NLGN1: variants seen among roughly 807,000 people sequenced by gnomAD.
NLGN1 encodes neuroligin-1.
Under a neutral mutation model 65.5 loss-of-function variants are expected in NLGN1, and 12 were observed. The observed-to-expected ratio is 0.18, with a 90% CI of 0.12 to 0.30. The LOEUF (loss-of-function observed/expected upper bound fraction) is 0.30, where lower values mean the gene tolerates loss of function less well. NLGN1 is among the 10% of genes least tolerant of loss of function. The probability of loss-of-function intolerance (pLI) is 1.00; values close to 1 mark genes in which losing one functional copy is unlikely to be tolerated. For synonymous variants in NLGN1, 350 were observed against 359.5 expected (o/e 0.97, Z 0.30); for missense variants, 750 against 1,007.1 (o/e 0.74, Z 3.46).
chr3:173,973,329 T>G lies in NLGN1; in HGVS notation c.646+165497T>G, dbSNP rs1047014531. Reference sequence around the variant, plus strand: ...AGCCAAGACTCTTTGTTTTAGTCCCTTGCCACAAGCCTGTCCGCCCAGGAG... The same window carrying G: ...AGCCAAGACTCTTTGTTTTAGTCCCGTGCCACAAGCCTGTCCGCCCAGGAG... On this transcript the variant is annotated intron_variant, in intron 4 of 6. Coordinates refer to ENST00000457714, the Ensembl canonical transcript of NLGN1. Among the ~76,000 whole-genome samples, 6 of 152,140 alleles carry G rather than the reference T, an allele frequency of 3.9e-5. No homozygotes were observed. The East Asian group carries it at 1.2e-3, about 29-fold the overall frequency.
chr3:174,188,951 T>C (rs989706633), intron 4 of NLGN1, among the ~76,000 whole-genome samples: 4 of 151,988 alleles, frequency 2.6e-5, no homozygotes, highest in Non-Finnish European at 4.4e-5. Flanking sequence ...ATCATTGTAT[T>C]TAGAGTAAGT....
At chr3:173,662,356 A>G (rs1376160008) in intron 3 of NLGN1, among the ~76,000 whole-genome samples, 7 of 152,026 alleles carry the variant, frequency 4.6e-5, no homozygotes, top group Non-Finnish European at 1.0e-4. Context: ...CCTTGACCAA[A>G]TCACTTTATC....
intron 2 of NLGN1, among the ~76,000 whole-genome samples, chr3:173,502,949 A>G (rs928582161): frequency 6.6e-6 from 1 of 152,124 alleles, no homozygotes; most frequent in Non-Finnish European, 1.5e-5. Context: ...GTTGAATTAT[A>G]TATGAATCAC....
At chr3:174,100,938 A>G (rs1453828373) in intron 4 of NLGN1, among the ~76,000 whole-genome samples, 1 of 151,988 alleles carries the variant, frequency 6.6e-6, no homozygotes, top group Admixed American at 6.6e-5. Flanking sequence ...CTCCACAGCC[A>G]TCATACTTCT....
intron 2 of NLGN1, among the ~76,000 whole-genome samples, chr3:173,479,664 A>T (rs1726910181): frequency 6.6e-6 from 1 of 152,164 alleles, no homozygotes; most frequent in South Asian, 2.1e-4. Flanking sequence ...GATCACAGAC[A>T]GAGGAGAGGG....
intron 4 of NLGN1, among the ~76,000 whole-genome samples, chr3:174,175,621 C>G (rs1174405636): frequency 6.6e-6 from 1 of 151,866 alleles, no homozygotes; most frequent in Non-Finnish European, 1.5e-5. Context: ...CTCCTAGAAC[C>G]CTCTGATATC....
chr3:173,585,653 C>T (rs889982626), intron 2 of NLGN1, among the ~76,000 whole-genome samples: 1 of 152,166 alleles, frequency 6.6e-6, no homozygotes, highest in Non-Finnish European at 1.5e-5. Flanking sequence ...TAACTTTCTT[C>T]GAGTTGGAGC....
chr3:173,491,902 T>C (rs16827207), intron 2 of NLGN1, among the ~76,000 whole-genome samples: 25,318 of 151,614 alleles, frequency 0.17, 2,413 homozygotes, highest in Middle Eastern at 0.26. Context: ...TAATATCCTA[T>C]GCTATAACAC....
intron 4 of NLGN1, among the ~76,000 whole-genome samples, chr3:173,880,756 A>G (rs940213361): frequency 6.6e-6 from 1 of 152,080 alleles, no homozygotes; most frequent in Non-Finnish European, 1.5e-5. Flanking sequence ...GCAATTTCTT[A>G]AAGTAAGACA....
chr3:173,845,038 G>A (rs1317034958), intron 4 of NLGN1, among the ~76,000 whole-genome samples: 1 of 152,214 alleles, frequency 6.6e-6, no homozygotes, highest in Non-Finnish European at 1.5e-5. Flanking sequence ...TTTGGAGGAA[G>A]ACCACTGGAT....
intron 2 of NLGN1, among the ~76,000 whole-genome samples, chr3:173,577,696 C>T (rs1329344073): frequency 1.3e-5 from 2 of 152,110 alleles, no homozygotes; most frequent in Non-Finnish European, 2.9e-5. Flanking sequence ...TCTAGGTCAT[C>T]AGAAATAATT....
chr3:174,107,019 G>C (rs111237200), intron 4 of NLGN1, among the ~76,000 whole-genome samples: 3,417 of 66,300 alleles, frequency 0.052, 49 homozygotes, highest in African/African-American at 0.067. Context: ...CACACACACA[G>C]AGAGAGAGAG....
chr3:174,051,413 G>A (rs980805769), intron 4 of NLGN1, among the ~76,000 whole-genome samples: 4 of 151,992 alleles, frequency 2.6e-5, no homozygotes, highest in East Asian at 1.9e-4. Context: ...GTGGCTGGTC[G>A]GCTGCCACCT....
At chr3:173,762,205 A>C (rs1229892677) in intron 3 of NLGN1, among the ~76,000 whole-genome samples, 1 of 152,092 alleles carries the variant, frequency 6.6e-6, no homozygotes, top group African/African-American at 2.4e-5. Context: ...TAACAGAAGG[A>C]CAGTGTTGAT....
At chr3:173,929,111 A>C (rs1050763723) in intron 4 of NLGN1, among the ~76,000 whole-genome samples, 5 of 152,224 alleles carry the variant, frequency 3.3e-5, no homozygotes, top group African/African-American at 1.2e-4. Flanking sequence ...CAAAGGTCTT[A>C]TATCAACTGG....
At chr3:173,754,074 C>CA (rs1316155213) in intron 3 of NLGN1, among the ~76,000 whole-genome samples, 1 of 134,778 alleles carries the variant, frequency 7.4e-6, no homozygotes, top group Non-Finnish European at 1.5e-5. Context: ...GACAGGGTCT[C>CA]ACTCTGTCAC....
intron 4 of NLGN1, among the ~76,000 whole-genome samples, chr3:174,261,197 A>T (rs1380294126): frequency 2.0e-5 from 3 of 149,954 alleles, no homozygotes; most frequent in South Asian, 2.1e-4. Flanking sequence ...TGAACTTTAA[A>T]GTAGTTTTTT....
At chr3:173,412,924 C>T (rs774629534) in intron 1 of NLGN1, among the ~76,000 whole-genome samples, 3 of 152,128 alleles carry the variant, frequency 2.0e-5, no homozygotes, top group Non-Finnish European at 2.9e-5. Context: ...TTTCTTAGGT[C>T]GCTTTCCACG....
intron 2 of NLGN1, among the ~76,000 whole-genome samples, chr3:173,503,965 A>G (rs1731581998): frequency 6.6e-6 from 1 of 152,090 alleles, no homozygotes. Flanking sequence ...GAGAAGAAAT[A>G]ACACATATGA....
Sources: gnomAD v4.1 joint callset for allele counts (sites outside exome capture counted in the v4.1 genomes callset) on GRCh38, gnomAD v4.1.1 for gene constraint, MANE v1.5 for transcripts, NCBI Gene and HGNC (gene_info 2026-07-23, HGNC 2026-07-21) for gene names.